TIAM1: variants seen among roughly 807,000 people sequenced by gnomAD.
The protein encoded by TIAM1 is rho guanine nucleotide exchange factor TIAM1.
A neutral mutation model predicts 163.5 loss-of-function variants in TIAM1; 65 were observed. The observed-to-expected ratio is 0.40, with a 90% confidence interval of 0.33 to 0.49. The LOEUF (loss-of-function observed/expected upper bound fraction) is 0.49, where lower values mean the gene tolerates loss of function less well. Ranked by LOEUF, TIAM1 falls within the 20% of genes least tolerant of loss-of-function variation. The probability of loss-of-function intolerance (pLI) is 0.77; values close to 1 mark genes in which losing one functional copy is unlikely to be tolerated. For synonymous variants in TIAM1, 833 were observed against 810.1 expected, an observed-to-expected ratio of 1.03 and a Z score of -0.48; for missense variants, 1,789 against 2,044.7, an observed-to-expected ratio of 0.87 and a Z score of 2.41.
chr21:31,150,565 C>T (rs1439245595), intron 19 of TIAM1, among the ~76,000 whole-genome samples: 2 of 152,042 alleles, frequency 1.3e-5, no homozygotes, highest in Admixed American at 6.5e-5. Flanking sequence ...TACATTAAAC[C>T]ATAACAAATT....
chr21:31,505,877 C>T (rs890446058), intron 1 of TIAM1, among the ~76,000 whole-genome samples: 20 of 151,592 alleles, frequency 1.3e-4, no homozygotes, highest in South Asian at 1.0e-3. Flanking sequence ...GACGTGGTGG[C>T]GGGTGCCTGT....
chr21:31,155,658 C>T lies in TIAM1; in HGVS notation c.2992-1232G>A, dbSNP rs973838936. On this transcript the variant is annotated intron_variant, in intron 16 of 27. Coordinates refer to ENST00000541036, the MANE Select transcript of TIAM1 (RefSeq NM_001353694.2). ...CAGCTGGGACTACAGGCGCCCGCCA[C>T]CACGCCCGGCTATTTTTTTGTATTT... Among the ~76,000 whole-genome samples the T allele has an allele frequency of 1.8e-4, 27 of 152,146 alleles. 1 individual carries two copies. The highest frequency in any genetic ancestry group is 5.3e-4 in the African/African-American group (22 of 41,430).
intron 2 of TIAM1, among the ~76,000 whole-genome samples, chr21:31,391,436 C>G (rs2076963322): frequency 6.6e-6 from 1 of 152,084 alleles, no homozygotes; most frequent in African/African-American, 2.4e-5. Context: ...ACCAGCCTGG[C>G]CAACACGGCA....
At chr21:31,338,368 G>A (rs2075912379) in intron 2 of TIAM1, among the ~76,000 whole-genome samples, 1 of 152,200 alleles carries the variant, frequency 6.6e-6, no homozygotes, top group South Asian at 2.1e-4. Flanking sequence ...CAACATAGGA[G>A]CCCAACCTGG....
At chr21:31,360,274 A>G (rs897426222) in intron 2 of TIAM1, among the ~76,000 whole-genome samples, 2 of 151,536 alleles carry the variant, frequency 1.3e-5, no homozygotes, top group African/African-American at 2.4e-5. Flanking sequence ...CAGAAGTATA[A>G]TAATAATAAT....
chr21:31,495,127 A>G (rs1183666783), intron 1 of TIAM1, among the ~76,000 whole-genome samples: 1 of 152,246 alleles, frequency 6.6e-6, no homozygotes, highest in Non-Finnish European at 1.5e-5. Context: ...ACATATTTAG[A>G]TAAATATAGA....
rs112824311 is a variant in TIAM1 at position 31,235,391 on chromosome 21, C to T, written c.1585-9441G>A. ...ATATGGTCATAACAATGTAATAACA[C>T]TGATTAGTGCTTTAATCCTAAATGT... On this transcript the variant is annotated intron_variant, in intron 6 of 27. Coordinates refer to ENST00000541036, the MANE Select transcript of TIAM1 (RefSeq NM_001353694.2). Among the ~76,000 whole-genome samples the T allele has an allele frequency of 2.3e-3, 347 of 152,278 alleles. 2 individuals are homozygous for T. Among genetic ancestry groups the T allele is most frequent in the Middle Eastern group, 0.017 (5 of 294 alleles).
intron 2 of TIAM1, among the ~76,000 whole-genome samples, chr21:31,356,791 T>C (rs562224674): frequency 2.6e-5 from 4 of 152,314 alleles, no homozygotes; most frequent in African/African-American, 7.2e-5. Context: ...AATCCCTTCA[T>C]AGCTTCGATA....
At chr21:31,394,748 A>T (rs1364904610) in intron 2 of TIAM1, among the ~76,000 whole-genome samples, 128 of 150,754 alleles carry the variant, frequency 8.5e-4, no homozygotes, top group African/African-American at 2.7e-3. Context: ...ACACACACAC[A>T]CACACACACA....
chr21:31,492,857 T>C (rs186243647), intron 1 of TIAM1, among the ~76,000 whole-genome samples: 134 of 151,892 alleles, frequency 8.8e-4, no homozygotes, highest in Middle Eastern at 3.4e-3. Context: ...ATCATATATA[T>C]ACTGATTCCA....
intron 2 of TIAM1, among the ~76,000 whole-genome samples, chr21:31,295,835 C>T (rs1376186993): frequency 3.3e-5 from 5 of 152,074 alleles, no homozygotes; most frequent in East Asian, 3.9e-4. Context: ...TTTTTTGAGA[C>T]GGATTGGGCT....
intron 19 of TIAM1, among the ~76,000 whole-genome samples, chr21:31,151,568 G>T (rs2083372964): frequency 2.0e-5 from 3 of 152,170 alleles, no homozygotes; most frequent in Non-Finnish European, 2.9e-5. Flanking sequence ...TGGGAGGGCA[G>T]TAAGAGGCAG....
intron 2 of TIAM1, among the ~76,000 whole-genome samples, chr21:31,417,010 T>G (rs67996121): frequency 0.037 from 5,664 of 152,282 alleles, 179 homozygotes; most frequent in East Asian, 0.11. Flanking sequence ...TTATTTTATT[T>G]TATTGTATTT....
At chr21:31,429,417 C>T (rs1281972480) in intron 2 of TIAM1, among the ~76,000 whole-genome samples, 1 of 151,910 alleles carries the variant, frequency 6.6e-6, no homozygotes, top group Non-Finnish European at 1.5e-5. Flanking sequence ...AGGAAATGAT[C>T]CAAGATTTAG....
At chr21:31,346,950 G>C (rs1376641012), upstream of TIAM1, among the ~76,000 whole-genome samples, 1 of 152,010 alleles carries the variant, frequency 6.6e-6, no homozygotes, top group Non-Finnish European at 1.5e-5. Context: ...TTTGCATGGA[G>C]GGGGAGAAGA....
At chr21:31,295,057 C>G (rs1257077411) in intron 2 of TIAM1, among the ~76,000 whole-genome samples, 1 of 152,182 alleles carries the variant, frequency 6.6e-6, no homozygotes, top group Non-Finnish European at 1.5e-5. Flanking sequence ...TTCCAGACCT[C>G]CATCTCAATT....
At chr21:31,487,702 C>T (rs1441831123) in intron 1 of TIAM1, among the ~76,000 whole-genome samples, 8 of 151,786 alleles carry the variant, frequency 5.3e-5, no homozygotes, top group East Asian at 3.9e-4. Flanking sequence ...GGACTACAGG[C>T]GCCCGCCACC....
intron 2 of TIAM1, among the ~76,000 whole-genome samples, chr21:31,389,560 A>T (rs1478846710): frequency 6.6e-6 from 1 of 152,204 alleles, no homozygotes; most frequent in East Asian, 1.9e-4. Context: ...GCAACAAAAC[A>T]AGGCAGTGGC....
At chr21:31,392,619 T>G (rs1461863508) in intron 2 of TIAM1, among the ~76,000 whole-genome samples, 1 of 142,460 alleles carries the variant, frequency 7.0e-6, no homozygotes, top group African/African-American at 2.6e-5. Flanking sequence ...CAATACCTGA[T>G]ATAGTGTTGT....
Sources: gnomAD v4.1 joint callset for allele counts (sites outside exome capture counted in the v4.1 genomes callset) on GRCh38, gnomAD v4.1.1 for gene constraint, MANE v1.5 for transcripts, NCBI Gene and HGNC (gene_info 2026-07-23, HGNC 2026-07-21) for gene names.